Variants in KCTD16 observed in about 807,000 individuals in gnomAD.
KCTD16 encodes BTB/POZ domain-containing protein KCTD16.
KCTD16 carries 13 observed loss-of-function variants against 33.2 expected under a neutral mutation model. The observed-to-expected ratio is 0.39, with a 90% CI of 0.25 to 0.62. The LOEUF (loss-of-function observed/expected upper bound fraction) is 0.62, where lower values mean the gene tolerates loss of function less well. Ranked by LOEUF, KCTD16 falls within the 20% of genes least tolerant of loss-of-function variation. KCTD16 has a pLI of 0.50. For synonymous variants in KCTD16, 197 were observed against 195.3 expected, an observed-to-expected ratio of 1.01 and a Z score of -0.07; for missense variants, 441 against 525.1, an observed-to-expected ratio of 0.84 and a Z score of 1.57.
chr5:144,481,315 T>G lies in KCTD16; in HGVS notation c.*7201T>G, dbSNP rs2127007649. ...GTTTTGAGCAGGCCAATGATTTCAT[T>G]GTCTGTAACTGCTTATCATACCCTT... is the stretch of plus-strand genomic sequence containing the variant. On this transcript the variant is annotated 3_prime_UTR_variant, in exon 4 of 4. Coordinates refer to ENST00000512467, the MANE Select transcript of KCTD16 (RefSeq NM_020768.4). 1 of 152,070 alleles carries G rather than the reference T, an allele frequency of 6.6e-6. No homozygotes were observed. The highest frequency in any genetic ancestry group is 2.4e-5 in the African/African-American group (1 of 41,520). The allele number at this position is 152,070 out of a possible 1,614,324, so 9.4% of individuals were successfully genotyped here. A position where few individuals can be genotyped will look rare whatever the true frequency, so the allele number is the denominator to read the frequency against.
intron 2 of KCTD16, among the ~76,000 whole-genome samples, chr5:144,199,059 T>C (rs1411358399): frequency 6.6e-6 from 1 of 152,204 alleles, no homozygotes; most frequent in Admixed American, 6.5e-5. Context: ...ATAAAACTAT[T>C]TAGAAAAAAA....
At chr5:144,273,499 C>T (rs550178965) in intron 3 of KCTD16, among the ~76,000 whole-genome samples, 1 of 152,188 alleles carries the variant, frequency 6.6e-6, no homozygotes, top group South Asian at 2.1e-4. Flanking sequence ...GAAACCAGGG[C>T]CTCAAAGAGA....
chr5:144,440,845 C>G (rs1753688616), intron 3 of KCTD16, among the ~76,000 whole-genome samples: 1 of 151,884 alleles, frequency 6.6e-6, no homozygotes, highest in South Asian at 2.1e-4. Flanking sequence ...CACCCATTAA[C>G]TCATCATTTA....
intron 3 of KCTD16, among the ~76,000 whole-genome samples, chr5:144,292,010 A>G (rs1052933128): frequency 2.0e-5 from 3 of 152,354 alleles, no homozygotes; most frequent in East Asian, 1.9e-4. Context: ...TCATATTTCT[A>G]TACAGATTTT....
chr5:144,344,171 A>T (rs966557160), intron 3 of KCTD16, among the ~76,000 whole-genome samples: 20 of 152,252 alleles, frequency 1.3e-4, no homozygotes, highest in South Asian at 4.1e-4. Context: ...GAAAGCTGAA[A>T]CTGGATCCCT....
intron 3 of KCTD16, among the ~76,000 whole-genome samples, chr5:144,234,322 A>G (rs996554119): frequency 1.3e-5 from 2 of 152,140 alleles, no homozygotes; most frequent in African/African-American, 4.8e-5. Context: ...TCAGATTTTA[A>G]TGTTCTTGTA....
intron 3 of KCTD16, among the ~76,000 whole-genome samples, chr5:144,236,533 T>C (rs1754258753): frequency 6.6e-6 from 1 of 152,106 alleles, no homozygotes; most frequent in Non-Finnish European, 1.5e-5. Flanking sequence ...CTTATAGTAA[T>C]ATAGAGATAA....
At chr5:144,446,911 A>G (rs545322479) in intron 3 of KCTD16, among the ~76,000 whole-genome samples, 4 of 152,140 alleles carry the variant, frequency 2.6e-5, no homozygotes, top group Non-Finnish European at 5.9e-5. Context: ...GAAACAACAG[A>G]TGCTGGAGAG....
At chr5:144,344,206 A>T (rs1471716845) in intron 3 of KCTD16, among the ~76,000 whole-genome samples, 1 of 152,202 alleles carries the variant, frequency 6.6e-6, no homozygotes, top group Non-Finnish European at 1.5e-5. Flanking sequence ...ACAAAAATTA[A>T]TTCAAGATGG....
chr5:144,224,958 C>T (rs1753884573), intron 3 of KCTD16, among the ~76,000 whole-genome samples: 1 of 152,120 alleles, frequency 6.6e-6, no homozygotes, highest in Non-Finnish European at 1.5e-5. Context: ...ATCCATCTGG[C>T]TTTAAGTTTA....
intron 3 of KCTD16, among the ~76,000 whole-genome samples, chr5:144,429,266 G>C (rs1387787589): frequency 6.6e-6 from 1 of 152,108 alleles, no homozygotes; most frequent in Non-Finnish European, 1.5e-5. Context: ...ATCCACCTTA[G>C]ACAAGCTTAA....
At chr5:144,314,432 A>G (rs942462851) in intron 3 of KCTD16, among the ~76,000 whole-genome samples, 2 of 152,134 alleles carry the variant, frequency 1.3e-5, no homozygotes, top group African/African-American at 4.8e-5. Flanking sequence ...TGGAGTCTAC[A>G]TGCTTGGCAA....
At chr5:144,408,928 C>A (rs554180716) in intron 3 of KCTD16, among the ~76,000 whole-genome samples, 81 of 152,310 alleles carry the variant, frequency 5.3e-4, no homozygotes, top group Non-Finnish European at 1.0e-3. Flanking sequence ...GAGGCCATCC[C>A]AGGCCACTTT....
At chr5:144,292,217 C>T (rs1755913225) in intron 3 of KCTD16, among the ~76,000 whole-genome samples, 1 of 152,212 alleles carries the variant, frequency 6.6e-6, no homozygotes, top group South Asian at 2.1e-4. Flanking sequence ...GGCAGTGTTC[C>T]TGCAAACCCA....
At chr5:144,209,827 A>AAT (rs902155764) in intron 3 of KCTD16, among the ~76,000 whole-genome samples, 15 of 144,582 alleles carry the variant, frequency 1.0e-4, no homozygotes, top group African/African-American at 2.6e-4. Flanking sequence ...TATATATATA[A>AAT]ATATATATAT....
intron 3 of KCTD16, among the ~76,000 whole-genome samples, chr5:144,432,637 ATG>A (rs71576198): frequency 8.0e-5 from 12 of 150,742 alleles, no homozygotes; most frequent in South Asian, 2.1e-4. Flanking sequence ...ATAACACTAA[ATG>A]TGTGTGTGTG....
At chr5:144,424,826 C>G (rs1447619378) in intron 3 of KCTD16, among the ~76,000 whole-genome samples, 1 of 152,118 alleles carries the variant, frequency 6.6e-6, no homozygotes, top group East Asian at 1.9e-4. Context: ...GAGGAAATCC[C>G]TCATTGCCTA....
rs1285178240 is a variant in KCTD16 at position 144,480,546 on chromosome 5, TGA to T, written c.*6437_*6438del. On this transcript the variant is annotated 3_prime_UTR_variant, in exon 4 of 4. Coordinates refer to ENST00000512467, the MANE Select transcript of KCTD16 (RefSeq NM_020768.4). ...CAGTGGTTTATCTATACCCTTTAGG[TGA>T]GAGACAGAGAGAAACAATTTCAGGA... 1 of 151,964 alleles carries T rather than the reference TGA, an allele frequency of 6.6e-6. No individual in the cohort carries two copies. 9.4% of individuals were successfully genotyped at this position (151,964 alleles called of 1,614,324 possible).
Position 144,207,087 on chromosome 5 carries a change from G to A in KCTD16, c.373G>A (p.Asp125Asn), listed in dbSNP as rs1224202448. The A allele has an allele frequency of 6.2e-7, 1 of 1,611,310 alleles. No individual in the cohort carries two copies. The highest frequency in any genetic ancestry group is 8.5e-7 in the Non-Finnish European group (1 of 1,178,904). The change falls in exon 3 of 4, where the codon GAT becomes AAT. Residue 125 changes from aspartate (D) to asparagine (N), a missense_variant. Asp to Asn is a conservative substitution (Grantham distance 23). This residue lies in a region of KCTD16 where 355 missense variants were observed against 413.0 expected (regional missense o/e 0.86). Coordinates refer to ENST00000512467, the MANE Select transcript of KCTD16 (RefSeq NM_020768.4). ...LPDLVKLLTPDEIKQSPDEFC... is the reference protein window; with the variant it reads ...LPDLVKLLTPNEIKQSPDEFC... ...AGACTTGGTCAAACTCCTGACCCCC[G>A]ATGAAATCAAGCAAAGCCCAGATGA...
Sources: allele counts gnomAD v4.1 joint callset (sites outside exome capture counted in the v4.1 genomes callset), GRCh38; gene constraint gnomAD v4.1.1; regional missense constraint gnomAD v4.1.1; transcripts MANE v1.5; gene names NCBI Gene and HGNC (gene_info 2026-07-23, HGNC 2026-07-21).